LCP1: variants seen among roughly 807,000 people sequenced by gnomAD.
The protein encoded by LCP1 is plastin-2.
A neutral mutation model predicts 72.0 loss-of-function variants in LCP1; 23 were observed. The ratio of observed to expected loss-of-function variants is 0.32; its 90% CI spans 0.23 to 0.45. LCP1 has a LOEUF of 0.45. Among genes scored for constraint, LCP1 ranks in the 20% least tolerant of loss-of-function variants. The pLI, the probability that LCP1 is intolerant of heterozygous loss-of-function variation, is 1.00. For missense variants in LCP1, 571 were observed against 748.3 expected (o/e 0.76, Z 2.76); for synonymous variants, 245 against 275.4 (o/e 0.89, Z 1.09).
chr13:46,164,335 G>A (rs2045864715), intron 1 of LCP1, among the ~76,000 whole-genome samples: 1 of 152,090 alleles, frequency 6.6e-6, no homozygotes, highest in African/African-American at 2.4e-5. Context: ...ATGGTATAAT[G>A]GGAAATTTTT....
intron 1 of LCP1, among the ~76,000 whole-genome samples, chr13:46,172,772 T>G (rs1335799464): frequency 6.6e-6 from 1 of 151,880 alleles, no homozygotes; most frequent in African/African-American, 2.4e-5. Context: ...TTTTGGTTTG[T>G]GTGTGCATAG....
chr13:46,127,825 A>G, intron 15 of LCP1, 102 bp from the exon 16 acceptor site: 2 of 1,392,880 alleles, frequency 1.4e-6, no homozygotes, highest in East Asian at 2.3e-5. Context: ...TCAGGACAGA[A>G]CTCACTCCTG....
rs1433605293 is a variant in LCP1 at position 46,127,067 on chromosome 13, C to G, written c.*524G>C. On this transcript the variant is annotated 3_prime_UTR_variant, in exon 16 of 16. Transcript: ENST00000323076. ...AGAAGAGATGGGCCCCCCCGGAAGG[C>G]ATGGTTCCAAAAGTGTGAGGAGCAA... 1 of 231,064 alleles carries G rather than the reference C, an allele frequency of 4.3e-6. No individual in the cohort carries two copies. The highest frequency in any genetic ancestry group is 8.6e-6 in the Non-Finnish European group (1 of 116,856). 14.3% of individuals were successfully genotyped at this position (231,064 alleles called of 1,614,324 possible).
chr13:46,135,158 A>T (rs1022718641), intron 13 of LCP1, among the ~76,000 whole-genome samples: 4 of 151,808 alleles, frequency 2.6e-5, no homozygotes, highest in Non-Finnish European at 4.4e-5. Flanking sequence ...TCTGGAGCAG[A>T]GAAGAACCAC....
intron 11 of LCP1, among the ~76,000 whole-genome samples, chr13:46,144,226 G>A (rs1371934025): frequency 6.6e-6 from 1 of 152,174 alleles, no homozygotes; most frequent in African/African-American, 2.4e-5. Flanking sequence ...TTTTGTTGAG[G>A]TATGATTTAT....
chr13:46,141,123 T>C (rs1170807265), intron 13 of LCP1, among the ~76,000 whole-genome samples: 1 of 151,906 alleles, frequency 6.6e-6, no homozygotes, highest in Non-Finnish European at 1.5e-5. Flanking sequence ...GAAACAACAA[T>C]GGAGCTGGGC....
chr13:46,127,764 AAC>A, intron 15 of LCP1, 41 bp from the exon 16 acceptor site: 4 of 1,612,046 alleles, frequency 2.5e-6, no homozygotes, highest in Non-Finnish European at 3.4e-6. Flanking sequence ...GAGCCTGAGA[AAC>A]ACAACACGAA....
chr13:46,150,801 G>T, intron 8 of LCP1, 135 bp downstream of exon 8: 2 of 935,460 alleles, frequency 2.1e-6, no homozygotes, highest in Non-Finnish European at 3.2e-6. Flanking sequence ...AGGACAGTGA[G>T]CACCTCCAAA....
intron 15 of LCP1, among the ~76,000 whole-genome samples, chr13:46,129,246 T>G (rs2138212513): frequency 6.6e-6 from 1 of 152,088 alleles, no homozygotes; most frequent in South Asian, 2.1e-4. Context: ...CACAGGAGAG[T>G]GCTTAGGGGT....
chr13:46,142,281 A>T lies in LCP1; in HGVS notation c.1502+11T>A, dbSNP rs768879929. 6 of 1,611,358 alleles carry T rather than the reference A, an allele frequency of 3.7e-6. No individual in the cohort carries two copies. The highest frequency in any genetic ancestry group is 5.1e-6 in the Non-Finnish European group (6 of 1,178,320). On this transcript the variant is annotated intron_variant, in intron 13 of 15. Transcript: ENST00000323076. ...TATTCAAGAAAAAGCCACTTCCATA[A>T]GCTATACTACCTTCTCATTAGCTGC...
At chr13:46,157,661 G>C (rs1009659670) in intron 4 of LCP1, among the ~76,000 whole-genome samples, 1 of 151,234 alleles carries the variant, frequency 6.6e-6, no homozygotes. Flanking sequence ...CCCAGCAAAG[G>C]TTCTGAAAAT....
At chr13:46,137,652 A>G (rs1387186802) in intron 13 of LCP1, among the ~76,000 whole-genome samples, 2 of 152,154 alleles carry the variant, frequency 1.3e-5, no homozygotes, top group African/African-American at 4.8e-5. Flanking sequence ...GTCTTTCTAG[A>G]TTTTTCCTTT....
At chr13:46,159,467 C>T (rs2045824375) in intron 2 of LCP1, 132 bp downstream of exon 2, 2 of 690,856 alleles carry the variant, frequency 2.9e-6, no homozygotes, top group Admixed American at 2.8e-5. Context: ...GTTCTCCCAG[C>T]TCCTCTAAAC....
rs1414137861 is a variant in LCP1, at chr13:46,128,034, TCTCA to T, written c.1752-315_1752-312del. 2.7e-4 allele frequency among the ~76,000 whole-genome samples: 39 copies of T among 141,830 alleles called. No individual in the cohort carries two copies. In the Middle Eastern group the frequency reaches 0.025, roughly 92 times the overall value. 93.0% of individuals were successfully genotyped at this position (141,830 alleles called of 152,430 possible). On this transcript the variant is annotated intron_variant, in intron 15 of 15. Transcript: ENST00000323076. ...TTTTTTTTTTTTGTAGAGACAGGGG[TCTCA>T]CTATGTTGCCCAGGCTGGGCTTGAA...
At chr13:46,139,584 G>T (rs2045685488) in intron 13 of LCP1, among the ~76,000 whole-genome samples, 1 of 152,146 alleles carries the variant, frequency 6.6e-6, no homozygotes, top group Non-Finnish European at 1.5e-5. Context: ...ACTAACATAG[G>T]ATCTAATGAG....
chr13:46,156,353 G>T, intron 5 of LCP1, 85 bp downstream of exon 5: 1 of 1,526,702 alleles, frequency 6.6e-7, no homozygotes, highest in East Asian at 2.3e-5. Flanking sequence ...ACCAAACAAA[G>T]TTGGCCTACG....
At chr13:46,142,470 T>G in intron 12 of LCP1, 45 bp from the exon 13 acceptor site, 1 of 1,578,098 alleles carries the variant, frequency 6.3e-7, no homozygotes, top group Non-Finnish European at 8.7e-7. Context: ...TCATCTTGAT[T>G]ATGATAAATA....
intron 6 of LCP1, among the ~76,000 whole-genome samples, chr13:46,154,052 C>T (rs774486497): frequency 1.3e-5 from 2 of 152,186 alleles, no homozygotes; most frequent in Non-Finnish European, 2.9e-5. Context: ...AAAGAACTAT[C>T]AGAAGAAAAG....
chr13:46,166,843 T>C (rs150450058), intron 1 of LCP1, among the ~76,000 whole-genome samples: 116 of 152,348 alleles, frequency 7.6e-4, no homozygotes, highest in African/African-American at 2.5e-3. Context: ...TTTGCGAATA[T>C]ATGGAATTTA....
Sources: allele counts gnomAD v4.1 joint callset (sites outside exome capture counted in the v4.1 genomes callset), GRCh38; gene constraint gnomAD v4.1.1; transcripts MANE v1.5; gene names NCBI Gene and HGNC (gene_info 2026-07-23, HGNC 2026-07-21).